ERI1: variants seen among roughly 807,000 people sequenced by gnomAD.
The protein encoded by ERI1 is exoribonuclease 1.
Under a neutral mutation model 39.7 loss-of-function variants are expected in ERI1, and 39 were observed. The observed-to-expected ratio is 0.98, with a 90% CI of 0.76 to 1.28. The LOEUF is 1.28. Ranked by LOEUF, ERI1 falls within the 50% of genes most tolerant of loss-of-function variation. ERI1 has a pLI of 0.00. For missense variants in ERI1, 581 were observed against 416.9 expected (o/e 1.39, Z -3.43); for synonymous variants, 204 against 149.6 (o/e 1.36, Z -2.65).
Position 9,011,523 on chromosome 8 carries a change from G to A in ERI1, c.288-19G>A, listed in dbSNP as rs1816666525. 1 of 1,528,106 alleles carries A rather than the reference G, an allele frequency of 6.5e-7. No individual in the cohort carries two copies. Among genetic ancestry groups the A allele is most frequent in the South Asian group, 1.2e-5 (1 of 84,400 alleles). The allele number at this position is 1,528,106 out of a possible 1,614,324, so 94.7% of individuals were successfully genotyped here. A position where few individuals can be genotyped will look rare whatever the true frequency, so the allele number is the denominator to read the frequency against. On this transcript the variant is annotated intron_variant, in intron 2 of 6. Transcript: ENST00000250263. ...TGTAGAATTTACCTAAGTGTAACTA[G>A]TCTTCTTCTTCTACTTAGAGGAGTA...
chr8:9,083,324 T>C (rs911096630), intron 3 of ERI1, among the ~76,000 whole-genome samples: 22 of 152,240 alleles, frequency 1.4e-4, no homozygotes, highest in Admixed American at 6.5e-5. Flanking sequence ...TCCAAAGATC[T>C]CTTATTACAT....
chr8:9,079,025 C>A (rs890805086), intron 3 of ERI1, among the ~76,000 whole-genome samples: 3 of 151,962 alleles, frequency 2.0e-5, no homozygotes, highest in African/African-American at 7.3e-5. Flanking sequence ...ACCTGGAAGG[C>A]AGGTGTCAAG....
At chr8:9,048,112 G>A (rs1798238024) in intron 3 of ERI1, among the ~76,000 whole-genome samples, 1 of 152,212 alleles carries the variant, frequency 6.6e-6, no homozygotes, top group African/African-American at 2.4e-5. Context: ...AACCACCTGA[G>A]TGAAGAAAAA....
chr8:9,006,465 T>C (rs140545919), intron 1 of ERI1, among the ~76,000 whole-genome samples: 124 of 152,338 alleles, frequency 8.1e-4, no homozygotes, highest in African/African-American at 2.8e-3. Flanking sequence ...TTAAATTAAC[T>C]GAGACATCTG....
intron 3 of ERI1, among the ~76,000 whole-genome samples, chr8:9,058,840 GATAAATAAATAA>G (rs58770201): frequency 0.14 from 21,277 of 151,314 alleles, 1,632 homozygotes; most frequent in African/African-American, 0.17. Flanking sequence ...CAACTTCATT[GATAAATAAATAA>G]ATAAATAAAT....
chr8:9,023,714 C>G (rs911508055), intron 6 of ERI1, among the ~76,000 whole-genome samples: 3 of 148,140 alleles, frequency 2.0e-5, no homozygotes, highest in African/African-American at 2.5e-5. Context: ...CTCTCTGTCA[C>G]AAGTTTCTGC....
intron 3 of ERI1, among the ~76,000 whole-genome samples, chr8:9,013,962 C>T (rs1816956930): frequency 6.6e-6 from 1 of 152,172 alleles, no homozygotes; most frequent in African/African-American, 2.4e-5. Context: ...CCTAACTGGT[C>T]TTTGTGTTTC....
chr8:9,043,048 T>A (rs1798073977), intron 3 of ERI1, among the ~76,000 whole-genome samples: 1 of 152,374 alleles, frequency 6.6e-6, no homozygotes, highest in South Asian at 2.1e-4. Context: ...AGATTGTGTT[T>A]GATTCTACTC....
rs1478630375 is a variant in ERI1 at position 9,031,609 on chromosome 8, C to G, written c.*1575C>G. The G allele has an allele frequency of 1.3e-5, 2 of 152,184 alleles. No homozygotes were observed. The highest frequency in any genetic ancestry group is 2.4e-5 in the African/African-American group (1 of 41,456). 9.4% of individuals were successfully genotyped at this position (152,184 alleles called of 1,614,324 possible). A position where few individuals can be genotyped will look rare whatever the true frequency, so the allele number is the denominator to read the frequency against. On this transcript the variant is annotated 3_prime_UTR_variant, in exon 7 of 7. Transcript: ENST00000250263. Reference sequence around the variant, plus strand: ...ATAGCTGAAACTGCAATTGGAAAATCTGATGATGACGAGGAAATATTACGT... The same window carrying G: ...ATAGCTGAAACTGCAATTGGAAAATGTGATGATGACGAGGAAATATTACGT...
intron 6 of ERI1, among the ~76,000 whole-genome samples, chr8:9,029,070 A>G (rs1383736800): frequency 6.9e-6 from 1 of 145,268 alleles, no homozygotes; most frequent in Non-Finnish European, 1.5e-5. Flanking sequence ...CTTAATCTTC[A>G]TTATCTTTAG....
At chr8:9,004,046 C>T (rs1196107569) in intron 1 of ERI1, 3 of 1,284,086 alleles carry the variant, frequency 2.3e-6, no homozygotes, top group South Asian at 1.2e-5. Context: ...AATTGCATCT[C>T]ACACAGTTTT....
rs79101632 is a variant in ERI1 at position 9,025,036 on chromosome 8, A to C, written c.807+4572A>C. Reference sequence around the variant, plus strand: ...GACAGGATACTTTGCAGAAATCCACAACTTTTCTGGGGGTAGAGCGTTAAG... The same window carrying C: ...GACAGGATACTTTGCAGAAATCCACCACTTTTCTGGGGGTAGAGCGTTAAG... On this transcript the variant is annotated intron_variant, in intron 6 of 6. Coordinates refer to ENST00000250263, the MANE Select transcript of ERI1 (RefSeq NM_153332.4). Among the ~76,000 whole-genome samples, 158 of 152,284 alleles carry C rather than the reference A, an allele frequency of 1.0e-3. 1 individual carries two copies. The East Asian group carries it at 0.028, about 27-fold the overall frequency.
chr8:9,098,741 T>G (rs748249918), intron 3 of ERI1, among the ~76,000 whole-genome samples: 1 of 152,126 alleles, frequency 6.6e-6, no homozygotes, highest in Non-Finnish European at 1.5e-5. Flanking sequence ...AAATTTTTAA[T>G]AAAGAAATAG....
chr8:9,081,919 A>G (rs1397117571), intron 3 of ERI1, among the ~76,000 whole-genome samples: 1 of 152,154 alleles, frequency 6.6e-6, no homozygotes, highest in African/African-American at 2.4e-5. Context: ...TGGAAGACCA[A>G]ATAAACCCAT....
At chr8:9,059,428 G>T (rs940957937) in intron 3 of ERI1, among the ~76,000 whole-genome samples, 1 of 152,066 alleles carries the variant, frequency 6.6e-6, no homozygotes, top group African/African-American at 2.4e-5. Context: ...TCTCAGGGCT[G>T]CTTCGAGCAG....
At chr8:9,037,066 T>C (rs1402314664), downstream of ERI1, among the ~76,000 whole-genome samples, 1 of 152,208 alleles carries the variant, frequency 6.6e-6, no homozygotes, top group Non-Finnish European at 1.5e-5. Context: ...GACTTCTCTC[T>C]TGCTGTCTCT....
rs140542715 is a variant in ERI1, at chr8:9,047,213, A to C, written n.299+26749A>C. Reference sequence around the variant, plus strand: ...CTCTAGCCACCATCCCACACCTAAAAATCAAACAGAGACATTCATCTGGCT... The same window carrying C: ...CTCTAGCCACCATCCCACACCTAAACATCAAACAGAGACATTCATCTGGCT... On this transcript the variant is annotated intron_variant and non_coding_transcript_variant, in intron 3 of 3. Coordinates refer to the ERI1 transcript ENST00000518663. 2.6e-5 allele frequency among the ~76,000 whole-genome samples: 4 copies of C among 152,226 alleles called. No individual in the cohort carries two copies. In the East Asian group the frequency reaches 7.7e-4, roughly 29 times the overall value.
rs553947446 is a variant in ERI1 at position 9,026,308 on chromosome 8, C to A, written c.808-3484C>A. Among the ~76,000 whole-genome samples, 29 of 152,278 alleles carry A rather than the reference C, an allele frequency of 1.9e-4. No homozygotes were observed. In the South Asian group the frequency reaches 5.8e-3, roughly 30 times the overall value. ...CACAACAGTTCAGTGGCATTAAGTA[C>A]ATTCACATTATTGCACAACCATCAC... On this transcript the variant is annotated intron_variant, in intron 6 of 6. Transcript: ENST00000250263.
At chr8:9,003,905 C>G (rs772374192) in intron 1 of ERI1, among the ~76,000 whole-genome samples, 3 of 152,208 alleles carry the variant, frequency 2.0e-5, no homozygotes, top group African/African-American at 4.8e-5. Context: ...CTAACTCTTG[C>G]TCCTTCCGTC....
Sources: allele counts gnomAD v4.1 joint callset (sites outside exome capture counted in the v4.1 genomes callset), GRCh38; gene constraint gnomAD v4.1.1; transcripts MANE v1.5; gene names NCBI Gene and HGNC (gene_info 2026-07-23, HGNC 2026-07-21).